Variants in UTP20 observed in about 807,000 individuals in gnomAD.
UTP20 encodes the protein small subunit processome component 20 homolog.
In UTP20, 164 loss-of-function variants were observed where a neutral mutation model predicts 329.5. The observed-to-expected ratio is 0.50, with a 90% CI of 0.44 to 0.57. The LOEUF (loss-of-function observed/expected upper bound fraction) is 0.57. Ranked by LOEUF, UTP20 falls within the 20% of genes least tolerant of loss-of-function variation. The pLI is 0.00. For synonymous variants in UTP20, 1,151 were observed against 1,159.3 expected (o/e 0.99, Z 0.14); for missense variants, 3,055 against 3,284.2 (o/e 0.93, Z 1.71).
intron 60 of UTP20, 99 bp from the exon 61 acceptor site, chr12:101,385,484 G>A (rs2121075310): frequency 7.2e-7 from 1 of 1,396,994 alleles, no homozygotes; most frequent in Non-Finnish European, 9.7e-7. Flanking sequence ...TGCCAGATCA[G>A]TAGCTGGATA....
intron 29 of UTP20, among the ~76,000 whole-genome samples, chr12:101,336,520 A>G (rs1452261628): frequency 1.3e-5 from 2 of 152,178 alleles, no homozygotes; most frequent in Non-Finnish European, 2.9e-5. Context: ...GAGTTGTAAT[A>G]AGTAAGTCAA....
At chr12:101,294,224 A>G (rs1309458626) in intron 11 of UTP20, among the ~76,000 whole-genome samples, 1 of 151,924 alleles carries the variant, frequency 6.6e-6, no homozygotes, top group Admixed American at 6.6e-5. Flanking sequence ...TTTAGTGGAG[A>G]TGGGGTTTCA....
In UTP20 at chr12:101,354,816, T is replaced by C. The variant is rs1330590256; in HGVS notation, c.5108-16T>C. 4.2e-5 allele frequency: 67 copies of C among 1,603,492 alleles called. No individual in the cohort carries two copies. Among genetic ancestry groups the C allele is most frequent in the Non-Finnish European group, 5.5e-5 (65 of 1,174,866 alleles). On this transcript the variant is annotated splice_polypyrimidine_tract_variant and intron_variant, in intron 40 of 61. Transcript: ENST00000261637. ...TTATTTGCTTTAAGGTGACTTTTGT[T>C]GTTTATTAAACATAGACGCAATTGA...
At chr12:101,371,523 CTTTTTTTTTTTTT>C (rs58024998) in intron 51 of UTP20, among the ~76,000 whole-genome samples, 4 of 65,390 alleles carry the variant, frequency 6.1e-5, no homozygotes, top group East Asian at 1.5e-3. Context: ...GGGCTTTGTT[CTTTTTTTTTTTTT>C]TTTTTTTTTT....
intron 12 of UTP20, among the ~76,000 whole-genome samples, chr12:101,296,570 CAA>C (rs35977909): frequency 3.5e-5 from 4 of 114,604 alleles, no homozygotes; most frequent in Non-Finnish European, 3.5e-5. Flanking sequence ...GACTTCATCT[CAA>C]AAAAAAAAAA....
intron 21 of UTP20, among the ~76,000 whole-genome samples, chr12:101,315,173 T>C (rs1193828924): frequency 6.6e-6 from 1 of 151,350 alleles, no homozygotes; most frequent in Non-Finnish European, 1.5e-5. Context: ...GGAAAATTGG[T>C]AATGCAAGAA....
At position 101,338,059 on chromosome 12, in the gene UTP20, C is replaced by T; in HGVS notation, c.3650C>T (p.Pro1217Leu). ...SIWSRNARYF[P>L]LLAKQKPGHP... ...AATGTTTTTTCTTCCAGATATTTCC[C>T]TTTGCTGGCTAAACAGAAGCCTGGG... The change falls in exon 30 of 62, where the codon CCT becomes CTT. Residue 1217 changes from proline to leucine, a missense_variant. Physicochemically the swap from Pro to Leu is moderately conservative, Grantham distance 98 (BLOSUM62 -3). This residue lies in a region of UTP20 where 2,445 missense variants were observed against 2,575.5 expected (regional missense o/e 0.95). Coordinates refer to ENST00000261637, the MANE Select transcript of UTP20 (RefSeq NM_014503.3). 6.2e-7 allele frequency: 1 copy of T among 1,614,046 alleles called. No individual in the cohort carries two copies. The highest frequency in any genetic ancestry group is 1.1e-5 in the South Asian group (1 of 91,066).
At chr12:101,320,199 A>G (rs980110138) in intron 23 of UTP20, among the ~76,000 whole-genome samples, 1 of 152,182 alleles carries the variant, frequency 6.6e-6, no homozygotes, top group Non-Finnish European at 1.5e-5. Flanking sequence ...CCTTCATAGG[A>G]TAAGAGATTT....
intron 60 of UTP20, among the ~76,000 whole-genome samples, chr12:101,384,695 G>A (rs1870769036): frequency 6.6e-6 from 1 of 152,152 alleles, no homozygotes; most frequent in Non-Finnish European, 1.5e-5. Flanking sequence ...GGAACTGGGG[G>A]CAGGAAGGAA....
At chr12:101,382,397 C>CA (rs1444186926) in intron 58 of UTP20, among the ~76,000 whole-genome samples, 17 of 150,846 alleles carry the variant, frequency 1.1e-4, no homozygotes, top group Non-Finnish European at 1.8e-4. Flanking sequence ...GACTCTGTCT[C>CA]AAAAAATACC....
chr12:101,290,559 A>G (rs1872108633), intron 7 of UTP20, among the ~76,000 whole-genome samples, 174 bp from the exon 8 acceptor site: 1 of 152,234 alleles, frequency 6.6e-6, no homozygotes, highest in African/African-American at 2.4e-5. Context: ...TAAAATTCCC[A>G]TCCTAGTTTA....
intron 56 of UTP20, among the ~76,000 whole-genome samples, chr12:101,377,901 G>A (rs1870527113): frequency 1.3e-5 from 2 of 152,170 alleles, no homozygotes; most frequent in Non-Finnish European, 2.9e-5. Flanking sequence ...CTTTGTTGAT[G>A]GTTAAATGAG....
intron 23 of UTP20, 108 bp downstream of exon 23, chr12:101,319,743 C>T: frequency 2.4e-6 from 2 of 836,652 alleles, no homozygotes; most frequent in South Asian, 3.5e-5. Context: ...GGGCCCATGT[C>T]TACATTTTAA....
In UTP20 at chr12:101,342,850, G is replaced by C. The variant is rs1264325616; in HGVS notation, c.4296+13G>C. On this transcript the variant is annotated intron_variant, in intron 34 of 61. Coordinates refer to ENST00000261637, the MANE Select transcript of UTP20 (RefSeq NM_014503.3). ...TGATGTTGTCAAGGTAAGAAAGAAG[G>C]GTTTCTCTTTGGCTTCAAAAGTATT... The C allele has an allele frequency of 8.1e-6, 13 of 1,612,042 alleles. No individual in the cohort carries two copies. In the South Asian group the frequency reaches 1.4e-4, roughly 18 times the overall value.
At chr12:101,280,982 G>GGCCGTAAACAAATTTACT in intron 1 of UTP20, 134 bp from the exon 2 acceptor site, 1 of 668,266 alleles carries the variant, frequency 1.5e-6, no homozygotes, top group Non-Finnish European at 2.4e-6. Flanking sequence ...ATTTGTTTAC[G>GGCCGTAAACAAATTTACT]GCCGTATGTT....
At chr12:101,314,473 A>G (rs1057182858) in intron 21 of UTP20, among the ~76,000 whole-genome samples, 1 of 151,960 alleles carries the variant, frequency 6.6e-6, no homozygotes, top group African/African-American at 2.4e-5. Flanking sequence ...CCTGGCTAAC[A>G]CGGTGAAACC....
chr12:101,371,004 C>A, intron 50 of UTP20, 54 bp from the exon 51 acceptor site: 1 of 1,493,312 alleles, frequency 6.7e-7, no homozygotes, highest in Non-Finnish European at 9.2e-7. Context: ...TCTGCTTCCA[C>A]GCATCTGCAG....
intron 27 of UTP20, among the ~76,000 whole-genome samples, chr12:101,330,771 A>T (rs907502987): frequency 2.6e-5 from 4 of 152,178 alleles, no homozygotes; most frequent in African/African-American, 9.7e-5. Context: ...ATGCAGCCTC[A>T]CTCCCAAGTC....
intron 14 of UTP20, among the ~76,000 whole-genome samples, chr12:101,300,473 C>T (rs577954134): frequency 2.6e-4 from 40 of 152,256 alleles, no homozygotes; most frequent in Admixed American, 2.0e-3. Flanking sequence ...CATGTGTTTC[C>T]TCTGCATGGA....
Sources: allele counts gnomAD v4.1 joint callset (sites outside exome capture counted in the v4.1 genomes callset), GRCh38; gene constraint gnomAD v4.1.1; regional missense constraint gnomAD v4.1.1; transcripts MANE v1.5; gene names NCBI Gene and HGNC (gene_info 2026-07-23, HGNC 2026-07-21).